The following CTNND2 variants were observed in gnomAD, a reference collection of about 807,000 sequenced individuals.
CTNND2 encodes catenin delta 2.
A neutral mutation model predicts 144.4 loss-of-function variants in CTNND2; 22 were observed. The ratio of observed to expected loss-of-function variants is 0.15; its 90% CI spans 0.11 to 0.22. The LOEUF (loss-of-function observed/expected upper bound fraction) is 0.22, where lower values mean the gene tolerates loss of function less well. Ranked by LOEUF, CTNND2 falls within the 10% of genes least tolerant of loss-of-function variation. The pLI is 1.00. For synonymous variants in CTNND2, 751 were observed against 695.6 expected (o/e 1.08, Z -1.25); for missense variants, 1,353 against 1,618.8 (o/e 0.84, Z 2.82).
chr5:11,810,897 C>T (rs1792296064), intron 1 of CTNND2, among the ~76,000 whole-genome samples: 1 of 151,902 alleles, frequency 6.6e-6, no homozygotes, highest in Admixed American at 6.6e-5. Flanking sequence ...TTATGACATG[C>T]AACAGAGAAA....
chr5:11,883,751 G>A (rs879227780), intron 1 of CTNND2, among the ~76,000 whole-genome samples: 37 of 152,232 alleles, frequency 2.4e-4, no homozygotes, highest in African/African-American at 7.5e-4. Flanking sequence ...TTGAGGAATC[G>A]CCACACTGTC....
chr5:11,238,689 TAC>T (rs959745660), intron 9 of CTNND2, among the ~76,000 whole-genome samples: 57 of 152,170 alleles, frequency 3.7e-4, no homozygotes, highest in African/African-American at 3.1e-4. Context: ...AGATTATATA[TAC>T]ACACACAGAT....
intron 2 of CTNND2, among the ~76,000 whole-genome samples, chr5:11,608,884 C>T (rs1780185753): frequency 1.3e-5 from 2 of 152,180 alleles, no homozygotes; most frequent in South Asian, 2.1e-4. Flanking sequence ...GTATCTGAGG[C>T]TTCTGGATTT....
At chr5:11,654,295 A>C (rs996005039) in intron 2 of CTNND2, among the ~76,000 whole-genome samples, 9 of 152,058 alleles carry the variant, frequency 5.9e-5, no homozygotes, top group Non-Finnish European at 5.9e-5. Flanking sequence ...TGCAGATTAC[A>C]GTCATTCAAC....
chr5:11,075,534 G>A (rs569637389), intron 16 of CTNND2, among the ~76,000 whole-genome samples: 2 of 152,334 alleles, frequency 1.3e-5, no homozygotes, highest in South Asian at 4.1e-4. Context: ...TCATGACACG[G>A]AGGATAGGTC....
chr5:11,278,970 C>T (rs924605237), intron 9 of CTNND2, among the ~76,000 whole-genome samples: 1 of 152,182 alleles, frequency 6.6e-6, no homozygotes, highest in African/African-American at 2.4e-5. Flanking sequence ...AACTCCCCCA[C>T]GGTGTTCCCA....
intron 11 of CTNND2, among the ~76,000 whole-genome samples, chr5:11,183,854 T>C (rs935611130): frequency 2.0e-5 from 3 of 152,116 alleles, no homozygotes; most frequent in African/African-American, 7.2e-5. Context: ...CCACCGCGCC[T>C]GGCCTAGTTT....
intron 2 of CTNND2, among the ~76,000 whole-genome samples, chr5:11,566,224 A>G (rs1777084633): frequency 6.6e-6 from 1 of 152,232 alleles, no homozygotes; most frequent in Admixed American, 6.5e-5. Flanking sequence ...AGTAAAAGAC[A>G]CTTTGTAAAT....
At chr5:11,686,526 C>T (rs76668572) in intron 2 of CTNND2, among the ~76,000 whole-genome samples, 220 of 151,890 alleles carry the variant, frequency 1.4e-3, no homozygotes, top group African/African-American at 5.1e-3. Flanking sequence ...TTATATTTGC[C>T]ACATTCAAAG....
intron 11 of CTNND2, among the ~76,000 whole-genome samples, chr5:11,181,851 G>T (rs546603033): frequency 3.8e-5 from 2 of 52,376 alleles, no homozygotes; most frequent in African/African-American, 2.0e-4. Flanking sequence ...TGTGTGTGTG[G>T]ATGTGTGTGT....
chr5:11,752,529 C>T (rs1237263910), intron 1 of CTNND2, among the ~76,000 whole-genome samples: 1 of 150,278 alleles, frequency 6.7e-6, no homozygotes, highest in Non-Finnish European at 1.5e-5. Context: ...TTCCACTGGT[C>T]TATGTGTCTG....
intron 3 of CTNND2, among the ~76,000 whole-genome samples, chr5:11,465,521 T>C (rs1264998258): frequency 6.6e-6 from 1 of 152,202 alleles, no homozygotes; most frequent in African/African-American, 2.4e-5. Flanking sequence ...CAAACAAAAG[T>C]GACACAGCTT....
At chr5:11,327,405 A>C (rs1404469365) in intron 9 of CTNND2, among the ~76,000 whole-genome samples, 1 of 152,182 alleles carries the variant, frequency 6.6e-6, no homozygotes, top group Non-Finnish European at 1.5e-5. Flanking sequence ...GAAACTTTTG[A>C]CTTTTTAAAG....
chr5:11,016,746 G>A (rs969752590), intron 18 of CTNND2, among the ~76,000 whole-genome samples: 6 of 151,954 alleles, frequency 3.9e-5, no homozygotes, highest in South Asian at 2.1e-4. Context: ...CATTCTCCCC[G>A]CTTATTGGTG....
chr5:11,321,486 A>G lies in CTNND2; in HGVS notation c.1628+24886T>C, dbSNP rs140770788. Among the ~76,000 whole-genome samples the G allele has an allele frequency of 5.5e-3, 844 of 152,320 alleles. 5 individuals carry two copies. The highest frequency in any genetic ancestry group is 0.019 in the African/African-American group (770 of 41,568). On this transcript the variant is annotated intron_variant, in intron 9 of 21. Coordinates refer to ENST00000304623, the MANE Select transcript of CTNND2 (RefSeq NM_001332.4). ...TACTGCCAACCTTACAACCTTCTCC[A>G]TCATGCCTGCACATATTGCTATTTA...
At chr5:11,872,420 A>G (rs1157062572) in intron 1 of CTNND2, among the ~76,000 whole-genome samples, 1 of 152,170 alleles carries the variant, frequency 6.6e-6, no homozygotes, top group African/African-American at 2.4e-5. Context: ...GGCTGCATCA[A>G]ATGGTATTTC....
At chr5:11,562,256 C>A (rs1776741589) in intron 3 of CTNND2, among the ~76,000 whole-genome samples, 1 of 152,094 alleles carries the variant, frequency 6.6e-6, no homozygotes, top group Non-Finnish European at 1.5e-5. Context: ...GAATCAACAT[C>A]GAAATTACCA....
chr5:11,581,881 A>G (rs1438474396), intron 2 of CTNND2, among the ~76,000 whole-genome samples: 1 of 152,186 alleles, frequency 6.6e-6, no homozygotes, highest in Non-Finnish European at 1.5e-5. Flanking sequence ...GACGGTTTGA[A>G]CTTATGTTTA....
At chr5:11,234,274 C>T (rs980055639) in intron 10 of CTNND2, among the ~76,000 whole-genome samples, 5 of 152,068 alleles carry the variant, frequency 3.3e-5, no homozygotes, top group African/African-American at 1.2e-4. Context: ...TAGAAATATA[C>T]ATAAAATAAA....
Sources: gnomAD v4.1 joint callset for allele counts (sites outside exome capture counted in the v4.1 genomes callset) on GRCh38, gnomAD v4.1.1 for gene constraint, MANE v1.5 for transcripts, NCBI Gene and HGNC (gene_info 2026-07-23, HGNC 2026-07-21) for gene names.